EFCAB5: variants seen among roughly 807,000 people sequenced by gnomAD.
EFCAB5 encodes the protein EF-hand calcium-binding domain-containing protein 5.
A neutral mutation model predicts 167.9 loss-of-function variants in EFCAB5; 131 were observed. The observed-to-expected ratio is 0.78, with a 90% confidence interval of 0.68 to 0.90. The LOEUF is 0.90. Ranked by LOEUF, EFCAB5 falls within the 40% of genes least tolerant of loss-of-function variation. The pLI is 0.00. For missense variants in EFCAB5, 1,663 were observed against 1,745.2 expected (o/e 0.95, Z 0.84); for synonymous variants, 574 against 602.8 (o/e 0.95, Z 0.70).
chr17:29,983,852 A>T (rs1811512192), intron 4 of EFCAB5, among the ~76,000 whole-genome samples: 1 of 152,110 alleles, frequency 6.6e-6, no homozygotes, highest in Non-Finnish European at 1.5e-5. Flanking sequence ...GACATCAATA[A>T]ATGGGAGGAA....
intron 4 of EFCAB5, among the ~76,000 whole-genome samples, chr17:29,991,967 G>A (rs189380760): frequency 6.6e-6 from 1 of 152,272 alleles, no homozygotes; most frequent in African/African-American, 2.4e-5. Context: ...TGAATACAAT[G>A]TGAAATAATG....
At chr17:29,975,234 A>C (rs1222322760) in intron 4 of EFCAB5, among the ~76,000 whole-genome samples, 1 of 151,574 alleles carries the variant, frequency 6.6e-6, no homozygotes. Flanking sequence ...TTTCCTTTTA[A>C]TATCTTCTGA....
intron 8 of EFCAB5, among the ~76,000 whole-genome samples, chr17:30,039,350 A>T (rs971762240): frequency 1.3e-5 from 2 of 152,180 alleles, no homozygotes; most frequent in African/African-American, 2.4e-5. Context: ...GAAAAGCTTC[A>T]TCTTTCCATC....
intron 4 of EFCAB5, among the ~76,000 whole-genome samples, chr17:29,982,230 G>A (rs987404620): frequency 5.3e-5 from 8 of 152,110 alleles, no homozygotes; most frequent in South Asian, 4.1e-4. Flanking sequence ...TCAGGAGATC[G>A]ACGCCATCCT....
intron 7 of EFCAB5, 78 bp downstream of exon 7, chr17:30,000,054 A>T (rs1308781558): frequency 9.8e-7 from 1 of 1,016,440 alleles, no homozygotes; most frequent in Non-Finnish European, 1.5e-6. Context: ...GTCACACATC[A>T]TTAAATTAGT....
In EFCAB5 at chr17:30,092,862, A is replaced by G. The variant is rs2072151317; in HGVS notation, c.4247A>G (p.Asn1416Ser). The G allele has an allele frequency of 6.2e-7, 1 of 1,611,398 alleles. No homozygotes were observed. The highest frequency in any genetic ancestry group is 1.3e-5 in the African/African-American group (1 of 74,908). ...CKFYVNKYLV[N>S]NICAFDPTAK... ...CAGTATGTTAACAAATATTTAGTCA[A>G]CAATATTTGTGCCTTTGATCCAACT... The change falls in exon 22 of 23, where the codon AAC becomes AGC. Residue 1416 changes from asparagine to serine, a missense_variant. Transcript: ENST00000394835.
intron 3 of EFCAB5, 41 bp from the exon 4 acceptor site, chr17:29,968,750 A>G (rs2067885525): frequency 7.1e-7 from 1 of 1,398,696 alleles, no homozygotes; most frequent in Non-Finnish European, 9.4e-7. Context: ...ATTAAAATTT[A>G]CTTCTAACAT....
At position 30,099,872 on chromosome 17, in the gene EFCAB5, G is replaced by T. The variant is rs554779435; in HGVS notation, c.4321+6936G>T. Among the ~76,000 whole-genome samples the T allele has an allele frequency of 5.9e-5, 9 of 152,224 alleles. No individual in the cohort carries two copies. In the South Asian group the frequency reaches 1.9e-3, roughly 32 times the overall value. ...CACAGAGCGCGTTCCCTCACAGTAG[G>T]TGTGTTTTTCTCACCTTTACACAAA... On this transcript the variant is annotated intron_variant, in intron 22 of 22. Coordinates refer to ENST00000394835, the MANE Select transcript of EFCAB5 (RefSeq NM_198529.4).
intron 7 of EFCAB5, among the ~76,000 whole-genome samples, chr17:30,030,782 T>G (rs922828451): frequency 2.0e-5 from 3 of 152,112 alleles, no homozygotes; most frequent in African/African-American, 7.2e-5. Flanking sequence ...CTCAGCCTCC[T>G]GAGTGGGACT....
At chr17:30,081,707 T>C (rs2070991771) in intron 17 of EFCAB5, among the ~76,000 whole-genome samples, 1 of 152,236 alleles carries the variant, frequency 6.6e-6, no homozygotes, top group African/African-American at 2.4e-5. Context: ...TTTACCATTA[T>C]TTTTCACTTT....
At position 30,057,290 on chromosome 17, in the gene EFCAB5, G is replaced by A. The variant is rs1190909329; in HGVS notation, c.2366-386G>A. Among the ~76,000 whole-genome samples, 7 of 152,292 alleles carry A rather than the reference G, an allele frequency of 4.6e-5. No homozygotes were observed. The East Asian group carries it at 5.8e-4, about 13-fold the overall frequency. ...TGTTGTGACAAAAATGGCCATGAAAGCATCTCTAAGCTTATACTCTACTAG... is the reference window on the plus strand; with the variant it reads ...TGTTGTGACAAAAATGGCCATGAAAACATCTCTAAGCTTATACTCTACTAG... On this transcript the variant is annotated intron_variant, in intron 12 of 22. Transcript: ENST00000394835.
intron 7 of EFCAB5, among the ~76,000 whole-genome samples, chr17:30,022,427 G>A (rs1014860810): frequency 2.0e-5 from 3 of 152,044 alleles, no homozygotes; most frequent in Non-Finnish European, 4.4e-5. Context: ...ACACAAGCAC[G>A]TGCACACAAA....
At chr17:30,019,134 T>C (rs1367277551) in intron 7 of EFCAB5, among the ~76,000 whole-genome samples, 5 of 152,186 alleles carry the variant, frequency 3.3e-5, no homozygotes, top group Admixed American at 2.6e-4. Context: ...AAAGTGCCTC[T>C]GGAACAAATG....
chr17:29,947,410 C>T (rs2067425171), intron 3 of EFCAB5, among the ~76,000 whole-genome samples: 1 of 151,842 alleles, frequency 6.6e-6, no homozygotes, highest in Admixed American at 6.6e-5. Context: ...TATGGAGACT[C>T]AGAAGTGGGA....
chr17:29,952,238 T>A (rs1005652223), intron 3 of EFCAB5, among the ~76,000 whole-genome samples: 1 of 152,192 alleles, frequency 6.6e-6, no homozygotes, highest in African/African-American at 2.4e-5. Context: ...TTTAGAAAGG[T>A]ACTGTTAATC....
At chr17:30,016,481 G>A (rs894932971) in intron 7 of EFCAB5, among the ~76,000 whole-genome samples, 4 of 152,050 alleles carry the variant, frequency 2.6e-5, no homozygotes, top group Non-Finnish European at 4.4e-5. Context: ...GAAGAGGTAA[G>A]AAACAAATAA....
At chr17:29,961,790 C>T (rs2067724953) in intron 3 of EFCAB5, among the ~76,000 whole-genome samples, 1 of 152,116 alleles carries the variant, frequency 6.6e-6, no homozygotes, top group Admixed American at 6.6e-5. Context: ...GACACAGTCT[C>T]ACTATGTTGC....
chr17:29,953,371 A>G (rs990270362), intron 3 of EFCAB5, among the ~76,000 whole-genome samples: 6 of 152,338 alleles, frequency 3.9e-5, no homozygotes, highest in Non-Finnish European at 7.4e-5. Context: ...TGTAGCTCCC[A>G]TAATTCCCAT....
chr17:30,086,755 G>A lies in EFCAB5; in HGVS notation c.3580-308G>A, dbSNP rs915971640. Reference sequence around the variant, plus strand: ...CAAAAATACAAAATTAGCTGGGTATGGTGGTGCATGCCTATAATCCCAGCT... The same window carrying A: ...CAAAAATACAAAATTAGCTGGGTATAGTGGTGCATGCCTATAATCCCAGCT... On this transcript the variant is annotated intron_variant, in intron 18 of 22. Coordinates refer to ENST00000394835, the MANE Select transcript of EFCAB5 (RefSeq NM_198529.4). Among the ~76,000 whole-genome samples the A allele has an allele frequency of 2.0e-5, 3 of 152,312 alleles. No individual in the cohort carries two copies. In the East Asian group the frequency reaches 5.8e-4, roughly 29 times the overall value.
Sources: allele counts gnomAD v4.1 joint callset (sites outside exome capture counted in the v4.1 genomes callset), GRCh38; gene constraint gnomAD v4.1.1; transcripts MANE v1.5; gene names NCBI Gene and HGNC (gene_info 2026-07-23, HGNC 2026-07-21).